ST18: variants seen among roughly 807,000 people sequenced by gnomAD.
The protein encoded by ST18 is ST18 C2H2C-type zinc finger transcription factor.
In ST18, 50 loss-of-function variants were observed where a neutral mutation model predicts 110.0. The ratio of observed to expected loss-of-function variants is 0.45; its 90% CI spans 0.36 to 0.58. The LOEUF (loss-of-function observed/expected upper bound fraction) is 0.58, where lower values mean the gene tolerates loss of function less well. ST18 is among the 20% of genes least tolerant of loss of function. The pLI is 0.00. For missense variants in ST18, 1,306 were observed against 1,280.1 expected (o/e 1.02, Z -0.31); for synonymous variants, 461 against 452.4 (o/e 1.02, Z -0.24).
intron 22 of ST18, 39 bp downstream of exon 22, chr8:52,131,919 T>C: frequency 6.2e-7 from 1 of 1,604,822 alleles, no homozygotes; most frequent in Non-Finnish European, 8.5e-7. Context: ...CGACAACCGA[T>C]CACAACACTA....
chr8:52,386,653 A>G lies in ST18; in HGVS notation c.-465+22675T>C, dbSNP rs1368569171. On this transcript the variant is annotated intron_variant, in intron 2 of 25. Transcript: ENST00000689386. ...GAATAGATATTTTTGTTCATTTTTG[A>G]ATATTATCTTTCCTTTTATTTTAAA... 2.6e-5 allele frequency among the ~76,000 whole-genome samples: 4 copies of G among 152,098 alleles called. No homozygotes were observed. In the East Asian group the frequency reaches 5.8e-4, roughly 22 times the overall value.
intron 2 of ST18, among the ~76,000 whole-genome samples, chr8:52,235,250 A>G (rs2092436889): frequency 6.6e-6 from 1 of 152,208 alleles, no homozygotes; most frequent in Admixed American, 6.5e-5. Flanking sequence ...TAGATGAACT[A>G]GAGTTCATCT....
intron 2 of ST18, among the ~76,000 whole-genome samples, chr8:52,231,771 G>A (rs369316098): frequency 2.2e-4 from 34 of 152,180 alleles, no homozygotes; most frequent in African/African-American, 8.0e-4. Flanking sequence ...TGCAGTGCCC[G>A]GCCGGGTGGC....
At chr8:52,404,625 T>C (rs2141140236) in intron 2 of ST18, 1 of 152,134 alleles carries the variant, frequency 6.6e-6, no homozygotes, top group African/African-American at 2.4e-5. Context: ...GGCCAGCAAG[T>C]CCCTCTTTCC....
chr8:52,375,119 ATCTC>A (rs141283178), intron 2 of ST18, among the ~76,000 whole-genome samples: 5 of 145,562 alleles, frequency 3.4e-5, no homozygotes, highest in Admixed American at 6.8e-5. Context: ...CTCTCTCTTT[ATCTC>A]TCTCTCTCTC....
intron 8 of ST18, among the ~76,000 whole-genome samples, chr8:52,201,672 G>A (rs77662048): frequency 3.0e-4 from 45 of 152,268 alleles, no homozygotes; most frequent in Non-Finnish European, 5.0e-4. Flanking sequence ...TACACCATCC[G>A]TGCCTGGCTG....
chr8:52,315,500 T>C (rs2096008001), intron 2 of ST18, among the ~76,000 whole-genome samples: 1 of 152,236 alleles, frequency 6.6e-6, no homozygotes, highest in African/African-American at 2.4e-5. Flanking sequence ...CACCTTAACC[T>C]GTTGGCTTGT....
chr8:52,361,028 C>G (rs1181663692), intron 2 of ST18, among the ~76,000 whole-genome samples: 3 of 152,266 alleles, frequency 2.0e-5, no homozygotes, highest in East Asian at 1.9e-4. Flanking sequence ...TGAGTTTTCT[C>G]TTACCATTGA....
Position 52,159,226 on chromosome 8 carries a change from C to G in ST18, c.1595-117G>C, listed in dbSNP as rs2060791877. On this transcript the variant is annotated intron_variant, in intron 14 of 25. Transcript: ENST00000689386. ...AAAATATGTGAAGAATAAATTAAAA[C>G]ACGTTCCATTATCCATGGGAACATT... 3 of 956,812 alleles carry G rather than the reference C, an allele frequency of 3.1e-6. No homozygotes were observed. The South Asian group carries it at 5.1e-5, about 16-fold the overall frequency. The allele number at this position is 956,812 out of a possible 1,614,324, so 59.3% of individuals were successfully genotyped here.
chr8:52,123,090 G>A (rs147385567), intron 23 of ST18, among the ~76,000 whole-genome samples: 48 of 152,024 alleles, frequency 3.2e-4, no homozygotes, highest in African/African-American at 1.0e-3. Context: ...TTATTATCAA[G>A]GACTAGTAAA....
intron 22 of ST18, among the ~76,000 whole-genome samples, chr8:52,131,685 T>C (rs1038507474): frequency 6.6e-6 from 1 of 152,172 alleles, no homozygotes; most frequent in South Asian, 2.1e-4. Flanking sequence ...CGTTAAGAAA[T>C]AGCAGCCTAA....
chr8:52,357,875 G>A lies in ST18; in HGVS notation c.-465+51453C>T, dbSNP rs535327580. ...TAGACCTAAAAGACATGTCTAGAGC[G>A]CTCCACCTCACAGCTACAGAATACA... On this transcript the variant is annotated intron_variant, in intron 2 of 25. Coordinates refer to ENST00000689386, the MANE Select transcript of ST18 (RefSeq NM_001352837.2). 1.5e-4 allele frequency among the ~76,000 whole-genome samples: 22 copies of A among 150,514 alleles called. No individual in the cohort carries two copies. The South Asian group carries it at 1.7e-3, about 12-fold the overall frequency.
chr8:52,385,720 GAAA>G (rs112719770), intron 2 of ST18, among the ~76,000 whole-genome samples: 1 of 108,956 alleles, frequency 9.2e-6, no homozygotes. Flanking sequence ...AAACAAATTA[GAAA>G]AAAAAAAAAA....
intron 2 of ST18, among the ~76,000 whole-genome samples, chr8:52,388,399 T>G (rs1837739780): frequency 6.6e-6 from 1 of 151,988 alleles, no homozygotes; most frequent in Non-Finnish European, 1.5e-5. Context: ...AACTCCCACT[T>G]CCACAACAAG....
At chr8:52,324,204 T>G (rs867758442) in intron 2 of ST18, among the ~76,000 whole-genome samples, 1 of 152,212 alleles carries the variant, frequency 6.6e-6, no homozygotes, top group Non-Finnish European at 1.5e-5. Context: ...TGAGGCCCTT[T>G]TGGATCTTTA....
rs1332127688 is a variant in ST18 at position 52,130,102 on chromosome 8, G to GAAAGAAAGAAAGA, written c.2666+1843_2666+1855dup. Among the ~76,000 whole-genome samples the GAAAGAAAGAAAGA allele has an allele frequency of 5.6e-3, 526 of 94,230 alleles. 9 individuals are homozygous for GAAAGAAAGAAAGA. Among genetic ancestry groups the GAAAGAAAGAAAGA allele is most frequent in the African/African-American group, 0.016 (438 of 26,932 alleles). The allele number at this position is 94,230 out of a possible 152,430, so 61.8% of individuals were successfully genotyped here. A position where few individuals can be genotyped will look rare whatever the true frequency, so the allele number is the denominator to read the frequency against. Reference sequence around the variant, plus strand: ...AGAGAGAGAAAGAAAGAAAAAGAAAGAAAGAAAGAAAGAAAGAAAAGAAAG... The same window carrying GAAAGAAAGAAAGA: ...AGAGAGAGAAAGAAAGAAAAAGAAAGAAAGAAAGAAAGAAAAGAAAGAAAGAAAGAAAAGAAAG... On this transcript the variant is annotated intron_variant, in intron 22 of 25. Transcript: ENST00000689386.
chr8:52,298,138 C>G (rs563430514), intron 2 of ST18, among the ~76,000 whole-genome samples: 11 of 152,118 alleles, frequency 7.2e-5, no homozygotes, highest in Non-Finnish European at 1.3e-4. Context: ...AGAGGGGGAC[C>G]CTATGAGGCA....
intron 8 of ST18, among the ~76,000 whole-genome samples, chr8:52,205,379 G>A (rs1327604792): frequency 2.0e-5 from 3 of 151,668 alleles, no homozygotes; most frequent in Admixed American, 6.6e-5. Flanking sequence ...GGGAATACAA[G>A]GCCCTTGATA....
At chr8:52,125,704 G>A (rs1400912257) in intron 23 of ST18, among the ~76,000 whole-genome samples, 2 of 151,708 alleles carry the variant, frequency 1.3e-5, no homozygotes, top group African/African-American at 4.8e-5. Flanking sequence ...TGCCCAGGCT[G>A]GTCACAAACT....
Sources: allele counts gnomAD v4.1 joint callset (sites outside exome capture counted in the v4.1 genomes callset), GRCh38; gene constraint gnomAD v4.1.1; transcripts MANE v1.5; gene names NCBI Gene and HGNC (gene_info 2026-07-23, HGNC 2026-07-21).